Variants in CXADR observed in about 807,000 individuals in gnomAD.
The protein encoded by CXADR is CXADR cell adhesion molecule, also known as coxsackievirus and adenovirus receptor.
In CXADR, 20 loss-of-function variants were observed where a neutral mutation model predicts 40.3. The ratio of observed to expected loss-of-function variants is 0.50; its 90% CI spans 0.35 to 0.72. CXADR has a LOEUF of 0.72. Among genes scored for constraint, CXADR ranks in the 30% least tolerant of loss-of-function variants. The pLI is 0.01. For missense variants in CXADR, 332 were observed against 449.1 expected (o/e 0.74, Z 2.36); for synonymous variants, 150 against 161.3 (o/e 0.93, Z 0.53).
In CXADR at chr21:17,520,522, G is replaced by A. The variant is rs575876683; in HGVS notation, c.43+7350G>A. On this transcript the variant is annotated intron_variant, in intron 1 of 6. Transcript: ENST00000284878. ...GAGCTTGGTGGGAGCTGACAGGTCT[G>A]TCAGGTTATGCACCCTAACCCCACG... Among the ~76,000 whole-genome samples the A allele has an allele frequency of 1.2e-4, 18 of 152,286 alleles. No homozygotes were observed. The South Asian group carries it at 2.9e-3, about 25-fold the overall frequency.
intron 1 of CXADR, among the ~76,000 whole-genome samples, chr21:17,515,247 A>C (rs2060445226): frequency 6.6e-6 from 1 of 152,108 alleles, no homozygotes; most frequent in Non-Finnish European, 1.5e-5. Flanking sequence ...CCTGGGCAAC[A>C]TGGCGAGACC....
intron 3 of CXADR, among the ~76,000 whole-genome samples, chr21:17,553,201 G>A (rs1395990745): frequency 3.9e-5 from 6 of 152,154 alleles, no homozygotes; most frequent in African/African-American, 1.2e-4. Flanking sequence ...GAGATTACAA[G>A]AATACTCTTT....
chr21:17,609,734 C>A, the CXADR span, among the ~76,000 whole-genome samples: 6 of 152,134 alleles, frequency 3.9e-5, no homozygotes, highest in Non-Finnish European at 8.8e-5. Flanking sequence ...TAGCAGTATT[C>A]ATAATAGCTA....
rs796070457 is a variant in CXADR at position 17,522,523 on chromosome 21, C to A, written c.43+9351C>A. Reference sequence around the variant, plus strand: ...TGACTGCATTATTTTCTTTCATGCCCACTAATTCTTCCATCCTTTGCAATC... The same window carrying A: ...TGACTGCATTATTTTCTTTCATGCCAACTAATTCTTCCATCCTTTGCAATC... On this transcript the variant is annotated intron_variant, in intron 1 of 6. Coordinates refer to ENST00000284878, the MANE Select transcript of CXADR (RefSeq NM_001338.5). Among the ~76,000 whole-genome samples, 14 of 152,254 alleles carry A rather than the reference C, an allele frequency of 9.2e-5. 1 individual carries two copies. The highest frequency in any genetic ancestry group is 3.1e-4 in the African/African-American group (13 of 41,530).
Position 17,577,612 on chromosome 21 carries a change from CTTTTTTTTTTTTTTT to C in CXADR, c.1017+12015_1017+12029del, listed in dbSNP as rs532541050. On this transcript the variant is annotated intron_variant, in intron 7 of 7. Coordinates refer to the CXADR transcript ENST00000400169. ...CTCACACGTCAGACCATTCTGCAAGCTTTTTTTTTTTTTTTTTTTTTTTTTTTTAACTGATGCATT... is the reference window on the plus strand; with the variant it reads ...CTCACACGTCAGACCATTCTGCAAGCTTTTTTTTTTTTTAACTGATGCATT... Among the ~76,000 whole-genome samples the C allele has an allele frequency of 2.8e-3, 103 of 36,582 alleles. 1 individual carries two copies. The highest frequency in any genetic ancestry group is 4.5e-3 in the Non-Finnish European group (86 of 18,918). The allele number at this position is 36,582 out of a possible 152,430, so 24.0% of individuals were successfully genotyped here.
intron 3 of CXADR, among the ~76,000 whole-genome samples, chr21:17,557,369 T>C (rs1462796870): frequency 1.3e-5 from 2 of 152,188 alleles, no homozygotes; most frequent in Non-Finnish European, 2.9e-5. Context: ...TCCTGTTTAA[T>C]CCTCATTTTT....
At chr21:17,531,985 A>T (rs933392574) in intron 1 of CXADR, among the ~76,000 whole-genome samples, 1 of 148,348 alleles carries the variant, frequency 6.7e-6, no homozygotes, top group Non-Finnish European at 1.5e-5. Context: ...TCTGTCACCC[A>T]AGCTGGAATG....
At chr21:17,570,823 A>G (rs944460877), downstream of CXADR, among the ~76,000 whole-genome samples, 1 of 152,234 alleles carries the variant, frequency 6.6e-6, no homozygotes, top group Non-Finnish European at 1.5e-5. Flanking sequence ...AGGAAAAACC[A>G]GAATGGGATG....
At chr21:17,571,983 A>T (rs897366300), downstream of CXADR, among the ~76,000 whole-genome samples, 5 of 152,180 alleles carry the variant, frequency 3.3e-5, no homozygotes, top group African/African-American at 1.2e-4. Context: ...ATATTTAGTA[A>T]GAAACCTATG....
chr21:17,622,991 T>C, the CXADR span, among the ~76,000 whole-genome samples: 1 of 152,216 alleles, frequency 6.6e-6, no homozygotes, highest in Non-Finnish European at 1.5e-5. Context: ...TAAAATTAAG[T>C]GATGACTCTT....
intron 1 of CXADR, among the ~76,000 whole-genome samples, chr21:17,541,581 C>T (rs1022903108): frequency 6.6e-6 from 1 of 150,828 alleles, no homozygotes; most frequent in Non-Finnish European, 1.5e-5. Flanking sequence ...TATGTTCCAC[C>T]TATTCTCCTC....
chr21:17,550,339 A>C (rs2060950247), intron 2 of CXADR, among the ~76,000 whole-genome samples: 1 of 136,386 alleles, frequency 7.3e-6, no homozygotes, highest in Non-Finnish European at 1.6e-5. Context: ...GGGCGATAGA[A>C]CAAGACTGTC....
chr21:17,624,467 C>T, the CXADR span, among the ~76,000 whole-genome samples: 1 of 152,120 alleles, frequency 6.6e-6, no homozygotes, highest in Non-Finnish European at 1.5e-5. Context: ...ACAATCCTTG[C>T]TCATGGGTCC....
intron 3 of CXADR, 89 bp from the exon 4 acceptor site, chr21:17,558,887 A>G (rs895265779): frequency 1.5e-6 from 2 of 1,335,826 alleles, no homozygotes; most frequent in African/African-American, 3.0e-5. Flanking sequence ...GAACCAACTG[A>G]TAATGAGTCA....
chr21:17,628,410 G>A, the CXADR span, among the ~76,000 whole-genome samples: 32 of 152,334 alleles, frequency 2.1e-4, no homozygotes, highest in Non-Finnish European at 3.2e-4. Context: ...AGAGTCCATG[G>A]TGTAGTTCCA....
chr21:17,632,195 T>C, the CXADR span, among the ~76,000 whole-genome samples: 1 of 152,170 alleles, frequency 6.6e-6, no homozygotes, highest in Non-Finnish European at 1.5e-5. Context: ...TATTTCCAGT[T>C]TCAGTACCAC....
downstream of CXADR, among the ~76,000 whole-genome samples, chr21:17,573,925 C>A (rs373201876): frequency 0.14 from 21,821 of 152,132 alleles, 1,643 homozygotes; most frequent in East Asian, 0.21. Context: ...AATTCATAAT[C>A]TGAATTTGTC....
At position 17,568,094 on chromosome 21, in the gene CXADR, T is replaced by TCC; in HGVS notation, c.*2403_*2404dup. 14 of 980,776 alleles carry TCC rather than the reference T, an allele frequency of 1.4e-5. No homozygotes were observed. The highest frequency in any genetic ancestry group is 1.7e-5 in the Non-Finnish European group (14 of 826,826). The allele number at this position is 980,776 out of a possible 1,614,324, so 60.8% of individuals were successfully genotyped here. On this transcript the variant is annotated 3_prime_UTR_variant, in exon 7 of 7. Transcript: ENST00000284878. The stretch of plus-strand genomic sequence containing the variant: ...TTGAACAAAAAATTACTAAAGCATT[T>TCC]CCGTTAGATCAGTCAAGGACAGTAC...
chr21:17,536,542 T>A (rs976626949), intron 1 of CXADR, among the ~76,000 whole-genome samples: 4 of 152,116 alleles, frequency 2.6e-5, no homozygotes, highest in Non-Finnish European at 5.9e-5. Flanking sequence ...TCCTTCTACT[T>A]GTCCAAGGCT....
Sources: allele counts gnomAD v4.1 joint callset (sites outside exome capture counted in the v4.1 genomes callset), GRCh38; gene constraint gnomAD v4.1.1; transcripts MANE v1.5; gene names NCBI Gene and HGNC (gene_info 2026-07-23, HGNC 2026-07-21).